The following CAMK1D variants were observed in gnomAD, a reference collection of about 807,000 sequenced individuals.
The protein encoded by CAMK1D is calcium/calmodulin-dependent protein kinase type 1D.
A neutral mutation model predicts 47.7 loss-of-function variants in CAMK1D; 9 were observed. The ratio of observed to expected loss-of-function variants is 0.19; its 90% CI spans 0.11 to 0.33. The LOEUF is 0.33. Ranked by LOEUF, CAMK1D falls within the 10% of genes least tolerant of loss-of-function variation. CAMK1D has a pLI of 1.00. For missense variants in CAMK1D, 291 were observed against 488.7 expected (o/e 0.60, Z 3.81); for synonymous variants, 184 against 184.9 (o/e 0.99, Z 0.04).
At chr10:12,744,948 G>A (rs1227462516) in intron 3 of CAMK1D, among the ~76,000 whole-genome samples, 2 of 152,162 alleles carry the variant, frequency 1.3e-5, no homozygotes, top group Non-Finnish European at 2.9e-5. Context: ...TCTCAGTTCT[G>A]TGCCCACGAA....
At chr10:12,765,564 T>C (rs904141014) in intron 4 of CAMK1D, among the ~76,000 whole-genome samples, 1 of 152,190 alleles carries the variant, frequency 6.6e-6, no homozygotes, top group East Asian at 1.9e-4. Flanking sequence ...GCTGAATCAG[T>C]TGAGCTGAAA....
At chr10:12,467,294 A>T (rs1977440) in intron 1 of CAMK1D, among the ~76,000 whole-genome samples, 2 of 151,944 alleles carry the variant, frequency 1.3e-5, no homozygotes, top group Non-Finnish European at 2.9e-5. Flanking sequence ...CTGGGATTAC[A>T]GGTAGCTGCC....
At chr10:12,413,930 C>G (rs1265543330) in intron 1 of CAMK1D, among the ~76,000 whole-genome samples, 1 of 152,118 alleles carries the variant, frequency 6.6e-6, no homozygotes, top group Non-Finnish European at 1.5e-5. Flanking sequence ...AAGGGCTTAT[C>G]CCTTTTTCAC....
At chr10:12,471,086 T>G (rs1833733072) in intron 1 of CAMK1D, among the ~76,000 whole-genome samples, 1 of 152,198 alleles carries the variant, frequency 6.6e-6, no homozygotes. Flanking sequence ...TCCATGCTTT[T>G]TTCTAGTTCT....
chr10:12,617,162 C>T (rs2132428603), intron 2 of CAMK1D, among the ~76,000 whole-genome samples: 1 of 152,256 alleles, frequency 6.6e-6, no homozygotes, highest in Non-Finnish European at 1.5e-5. Context: ...GTTGCAAAAA[C>T]ATTTAAGCTT....
intron 1 of CAMK1D, among the ~76,000 whole-genome samples, chr10:12,391,631 A>G (rs1396139560): frequency 2.6e-5 from 4 of 152,216 alleles, no homozygotes; most frequent in Non-Finnish European, 5.9e-5. Flanking sequence ...TTCTTAAAGA[A>G]AAACAAAACA....
chr10:12,708,041 C>T (rs895355976), intron 3 of CAMK1D, among the ~76,000 whole-genome samples: 2 of 152,214 alleles, frequency 1.3e-5, no homozygotes, highest in Non-Finnish European at 1.5e-5. Context: ...GTCATTGCCA[C>T]GGCTAGAGCC....
At chr10:12,769,828 C>A (rs752655459) in intron 5 of CAMK1D, 29 bp downstream of exon 5, 14 of 1,612,030 alleles carry the variant, frequency 8.7e-6, no homozygotes, top group Admixed American at 1.7e-5. Flanking sequence ...CACACATGTG[C>A]CCGTGTGTGT....
chr10:12,622,668 C>T (rs1839035416), intron 2 of CAMK1D, among the ~76,000 whole-genome samples: 1 of 152,108 alleles, frequency 6.6e-6, no homozygotes, highest in African/African-American at 2.4e-5. Flanking sequence ...GGTCCTTGTC[C>T]TTAATCCATG....
At position 12,504,638 on chromosome 10, in the gene CAMK1D, G is replaced by A. The variant is rs780209998; in HGVS notation, c.93-48587G>A. Among the ~76,000 whole-genome samples the A allele has an allele frequency of 9.9e-5, 15 of 152,240 alleles. No homozygotes were observed. The East Asian group carries it at 2.3e-3, about 23-fold the overall frequency. On this transcript the variant is annotated intron_variant, in intron 1 of 10. Transcript: ENST00000619168. The stretch of plus-strand genomic sequence containing the variant: ...CAGCTTTTTGGGAACCTCTTAACCC[G>A]GTTAGGTTGACATGAAATTGACCAT...
At chr10:12,822,198 G>T (rs1300133317) in intron 8 of CAMK1D, among the ~76,000 whole-genome samples, 2 of 152,162 alleles carry the variant, frequency 1.3e-5, no homozygotes, top group African/African-American at 4.8e-5. Context: ...TGTTACTATT[G>T]CAAGTTTCCT....
chr10:12,528,090 C>G (rs138572056), intron 1 of CAMK1D, among the ~76,000 whole-genome samples: 1 of 152,226 alleles, frequency 6.6e-6, no homozygotes, highest in African/African-American at 2.4e-5. Flanking sequence ...TTGCAATAAC[C>G]CTATTAGGTG....
chr10:12,359,192 A>C (rs1837591903), intron 1 of CAMK1D, among the ~76,000 whole-genome samples: 1 of 152,184 alleles, frequency 6.6e-6, no homozygotes, highest in South Asian at 2.1e-4. Flanking sequence ...CATCTGTAAA[A>C]CAGGATGACA....
Position 12,808,780 on chromosome 10 carries a change from A to G in CAMK1D, c.642-5415A>G, listed in dbSNP as rs181766830. ...GCAACAAGAGCGAAACTCCTTCTCA[A>G]AAAACAAACAAATAAACAAAACGAA... is the stretch of plus-strand genomic sequence containing the variant. On this transcript the variant is annotated intron_variant, in intron 6 of 10. Transcript: ENST00000619168. Among the ~76,000 whole-genome samples, 3 of 152,222 alleles carry G rather than the reference A, an allele frequency of 2.0e-5. No homozygotes were observed. The East Asian group carries it at 5.8e-4, about 29-fold the overall frequency.
chr10:12,625,350 A>T (rs918616926), intron 2 of CAMK1D, among the ~76,000 whole-genome samples: 1 of 151,178 alleles, frequency 6.6e-6, no homozygotes, highest in Non-Finnish European at 1.5e-5. Context: ...AAAAAAAAAA[A>T]AAAAAAGTAA....
At chr10:12,574,844 C>T (rs1047206435) in intron 2 of CAMK1D, among the ~76,000 whole-genome samples, 5 of 152,122 alleles carry the variant, frequency 3.3e-5, no homozygotes, top group Non-Finnish European at 7.3e-5. Context: ...ACATGCTCCT[C>T]AGGAGCAGGA....
At position 12,370,802 on chromosome 10, in the gene CAMK1D, T is replaced by G. The variant is rs975493476; in HGVS notation, c.92+20892T>G. Among the ~76,000 whole-genome samples the G allele has an allele frequency of 3.3e-5, 5 of 152,122 alleles. No individual in the cohort carries two copies. In the South Asian group the frequency reaches 1.0e-3, roughly 31 times the overall value. Reference sequence around the variant, plus strand: ...TTTTGTACTTTAGTAGAGACGGGGTTTCACCGTGCTGGCCAGGCTGGTCTC... The same window carrying G: ...TTTTGTACTTTAGTAGAGACGGGGTGTCACCGTGCTGGCCAGGCTGGTCTC... On this transcript the variant is annotated intron_variant, in intron 1 of 10. Transcript: ENST00000619168.
At chr10:12,746,459 G>A (rs182944903) in intron 3 of CAMK1D, among the ~76,000 whole-genome samples, 4 of 152,006 alleles carry the variant, frequency 2.6e-5, no homozygotes, top group Non-Finnish European at 5.9e-5. Context: ...ACATTGGAAC[G>A]TTAGGCTTAT....
chr10:12,828,659 G>GGC (rs1473006931), intron 10 of CAMK1D, 110 bp from the exon 11 acceptor site: 4 of 613,904 alleles, frequency 6.5e-6, no homozygotes, highest in Non-Finnish European at 2.7e-6. Flanking sequence ...AAAAAAATTG[G>GGC]GCCCCCCCGC....
Sources: gnomAD v4.1 joint callset for allele counts (sites outside exome capture counted in the v4.1 genomes callset) on GRCh38, gnomAD v4.1.1 for gene constraint, MANE v1.5 for transcripts, NCBI Gene and HGNC (gene_info 2026-07-23, HGNC 2026-07-21) for gene names.